ASB2: variants seen among roughly 807,000 people sequenced by gnomAD.
The protein encoded by ASB2 is ankyrin repeat and SOCS box containing 2, also known as ankyrin repeat and SOCS box protein 2.
Under a neutral mutation model 62.4 loss-of-function variants are expected in ASB2, and 58 were observed. The observed-to-expected ratio is 0.93, with a 90% CI of 0.75 to 1.16. ASB2 has a LOEUF of 1.16. ASB2 is among the 50% of genes most tolerant of loss of function. The pLI, the probability that ASB2 is intolerant of heterozygous loss-of-function variation, is 0.00. For missense variants in ASB2, 928 were observed against 887.9 expected, an observed-to-expected ratio of 1.05 and a Z score of -0.57; for synonymous variants, 386 against 385.3, an observed-to-expected ratio of 1.00 and a Z score of -0.02.
rs1162972901 is a variant in ASB2, at chr14:93,964,355, G to A, written c.185C>T (p.Ala62Val). ...TCACCTGGTCCATGGGTAGAAATGG[G>A]CAGGTTGGCGGTTGGTACATGCAGA... The part of the protein sequence containing the change: ...TASACTNRQP[A>V]HFYPWTRSTA... The change falls in exon 2 of 10, where the codon GCC (alanine) becomes GTC (valine). Residue 62 changes from alanine to valine, a missense_variant. Coordinates refer to ENST00000555019, the MANE Select transcript of ASB2 (RefSeq NM_001202429.2). The A allele has an allele frequency of 6.5e-7, 1 of 1,536,176 alleles. No homozygotes were observed.
Position 93,934,680 on chromosome 14 carries a change from GTA to G in ASB2, c.1882_1883del (p.Tyr628ProfsTer17), listed in dbSNP as rs765805727. ...TLPLPGRLIR[Y>X]LKYENTQ ...GTTACTGGGTGTTCTCGTATTTCAG[GTA>G]TCTAATCAGCCTGCCTGGGAGCGGC... On this transcript the variant is annotated frameshift_variant, in exon 10 of 10. Coordinates refer to ENST00000555019, the MANE Select transcript of ASB2 (RefSeq NM_001202429.2). LOFTEE classifies it high-confidence loss of function. The G allele has an allele frequency of 2.0e-5, 32 of 1,614,150 alleles. No individual in the cohort carries two copies. Among genetic ancestry groups the G allele is most frequent in the Non-Finnish European group, 2.6e-5 (31 of 1,180,002 alleles).
intron 1 of ASB2, among the ~76,000 whole-genome samples, chr14:93,965,941 G>A (rs530422941): frequency 3.9e-5 from 6 of 152,310 alleles, no homozygotes; most frequent in African/African-American, 9.6e-5. Context: ...GAACACACCC[G>A]GGCACCTGAG....
At position 93,934,807 on chromosome 14, in the gene ASB2, GA is replaced by G. The variant is rs1365804370; in HGVS notation, c.1772-16del. ...TCTTGGAGGTTCTGAAAAAAGGAGG[GA>G]AAGACAGAGGCTGATTTGTCATTTG... On this transcript the variant is annotated splice_polypyrimidine_tract_variant and intron_variant, in intron 9 of 9. Transcript: ENST00000555019. 6.2e-7 allele frequency: 1 copy of G among 1,609,044 alleles called. No individual in the cohort carries two copies. Among genetic ancestry groups the G allele is most frequent in the Non-Finnish European group, 8.5e-7 (1 of 1,175,468 alleles).
rs1048450519 is a variant in ASB2 at position 93,934,742 on chromosome 14, T to C, written c.1822A>G (p.Ile608Val). Residue 608 changes from isoleucine (I) to valine (V), a missense_variant, in exon 10 of 10, where the codon ATT becomes GTT. Transcript: ENST00000555019. The stretch of plus-strand genomic sequence containing the variant: ...AGGAGTTTTATACGGTATTTCCCAA[T>C]GGCCTTTCGAACCCGCAGTCGGCAA... ...HLCRLRVRKA[I>V]GKYRIKLLDT... is the part of the protein sequence containing the mutation. 3.7e-6 allele frequency: 6 copies of C among 1,613,714 alleles called. No individual in the cohort carries two copies. Among genetic ancestry groups the C allele is most frequent in the South Asian group, 1.1e-5 (1 of 91,064 alleles).
chr14:93,972,272 A>G (rs943280481), intron 1 of ASB2, among the ~76,000 whole-genome samples: 5 of 151,802 alleles, frequency 3.3e-5, no homozygotes, highest in Admixed American at 2.6e-4. Flanking sequence ...GCCAAAACTT[A>G]TCTTTCTGAT....
At chr14:93,976,110 G>A (rs959496228) in intron 1 of ASB2, among the ~76,000 whole-genome samples, 2 of 152,194 alleles carry the variant, frequency 1.3e-5, no homozygotes, top group African/African-American at 4.8e-5. Flanking sequence ...CACAGATACC[G>A]CCCAAGACCT....
At chr14:93,941,671 T>C (rs1299873744) in intron 7 of ASB2, 1 of 456,112 alleles carries the variant, frequency 2.2e-6, no homozygotes, top group South Asian at 1.5e-5. Context: ...AGCTGTAACG[T>C]GCCCAAGAAC....
Position 93,947,995 on chromosome 14 carries a change from G to A in ASB2, c.881-475C>T, listed in dbSNP as rs868707697. Among the ~76,000 whole-genome samples the A allele has an allele frequency of 2.1e-4, 15 of 72,488 alleles. 1 individual carries two copies. The highest frequency in any genetic ancestry group is 3.6e-4 in the Admixed American group (2 of 5,538). 47.6% of individuals were successfully genotyped at this position (72,488 alleles called of 152,430 possible). ...GGCAACAAGAGTGAAACTCCGCCTG[G>A]AAAAAAAAAAAAAAAAAAAAAAAGA... On this transcript the variant is annotated intron_variant, in intron 6 of 9. Transcript: ENST00000555019.
In ASB2 at chr14:93,966,972, G is replaced by C. The variant is rs533820716; in HGVS notation, c.-73-2360C>G. Among the ~76,000 whole-genome samples, 5 of 152,264 alleles carry C rather than the reference G, an allele frequency of 3.3e-5. No homozygotes were observed. The South Asian group carries it at 1.0e-3, about 32-fold the overall frequency. ...ATGACCTCACAATCATTTTATGCCC[G>C]ATGCTTGGAGTGCTGTTATTTACAG... On this transcript the variant is annotated intron_variant, in intron 1 of 9. Coordinates refer to ENST00000555019, the MANE Select transcript of ASB2 (RefSeq NM_001202429.2).
At chr14:93,975,952 G>C (rs1889899339) in intron 1 of ASB2, among the ~76,000 whole-genome samples, 1 of 152,214 alleles carries the variant, frequency 6.6e-6, no homozygotes, top group Non-Finnish European at 1.5e-5. Flanking sequence ...GTTGAAAGCA[G>C]AGCACATGGC....
chr14:93,969,622 G>A (rs932437880), intron 1 of ASB2, among the ~76,000 whole-genome samples: 1 of 152,200 alleles, frequency 6.6e-6, no homozygotes, highest in Non-Finnish European at 1.5e-5. Flanking sequence ...ACTCTGGGAG[G>A]CTGATTGGAA....
At chr14:93,959,162 AAG>A (rs1338274802) in intron 2 of ASB2, among the ~76,000 whole-genome samples, 1 of 152,166 alleles carries the variant, frequency 6.6e-6, no homozygotes, top group Non-Finnish European at 1.5e-5. Context: ...CCATTCAACA[AAG>A]AGTTCCCAGC....
At chr14:93,945,689 T>G (rs1888698483) in intron 7 of ASB2, among the ~76,000 whole-genome samples, 1 of 151,976 alleles carries the variant, frequency 6.6e-6, no homozygotes, top group Non-Finnish European at 1.5e-5. Flanking sequence ...GTGTATGTAC[T>G]GGGGGGTGTG....
At chr14:93,952,534 C>A (rs1353082508) in intron 5 of ASB2, among the ~76,000 whole-genome samples, 1 of 152,202 alleles carries the variant, frequency 6.6e-6, no homozygotes, top group African/African-American at 2.4e-5. Context: ...TTGTAAGACC[C>A]CAGCTGATTG....
In ASB2 at chr14:93,951,083, A is replaced by G. The variant is rs779517616; in HGVS notation, c.796T>C (p.Ser266Pro). Residue 266 changes from serine to proline, a missense_variant, in exon 6 of 10, where the codon TCC (serine) becomes CCC (proline). Transcript: ENST00000555019. ...ILVSGGAKVE[S>P]KNAYGITPLF... ...GGGGTGATGCCGTAGGCGTTCTTGG[A>G]TTCCACCTTGGCTCCTCCGCTCACC... 6.2e-7 allele frequency: 1 copy of G among 1,614,184 alleles called. No homozygotes were observed. Among genetic ancestry groups the G allele is most frequent in the African/African-American group, 1.3e-5 (1 of 75,044 alleles).
chr14:93,951,178 C>T lies in ASB2; in HGVS notation c.701G>A (p.Arg234His), dbSNP rs375067990. 1.8e-5 allele frequency: 29 copies of T among 1,613,652 alleles called. No individual in the cohort carries two copies. The highest frequency in any genetic ancestry group is 2.7e-5 in the African/African-American group (2 of 74,944). The part of the protein sequence containing the change: ...LVQHNADTNH[R>H]CNRGWTALHE... ...CAGAGCGGTCCAGCCGCGGTTGCAG[C>T]GGTGGTTGGTGTCTGCATTGTGCTG... is the stretch of plus-strand genomic sequence containing the variant. The change falls in exon 6 of 10, where the codon CGC becomes CAC. Residue 234 changes from arginine to histidine, a missense_variant. Coordinates refer to ENST00000555019, the MANE Select transcript of ASB2 (RefSeq NM_001202429.2).
chr14:93,954,492 G>A lies in ASB2; in HGVS notation c.312-9C>T. On this transcript the variant is annotated splice_polypyrimidine_tract_variant and intron_variant, in intron 3 of 9. Transcript: ENST00000555019. ...TCAAGGGGTCCGCAGGCCTGTGAGA[G>A]GAAGGAGTGGGTCAGTCCTCAAGGT... 2 of 1,613,876 alleles carry A rather than the reference G, an allele frequency of 1.2e-6. No homozygotes were observed. Among genetic ancestry groups the A allele is most frequent in the South Asian group, 2.2e-5 (2 of 91,078 alleles).
intron 1 of ASB2, among the ~76,000 whole-genome samples, chr14:93,972,375 C>T (rs1419248141): frequency 6.6e-6 from 1 of 152,164 alleles, no homozygotes; most frequent in Non-Finnish European, 1.5e-5. Context: ...TTGTTCTCTT[C>T]CCTTCCCGGG....
intron 1 of ASB2, among the ~76,000 whole-genome samples, chr14:93,968,452 A>G (rs1290188068): frequency 2.0e-5 from 3 of 152,188 alleles, no homozygotes; most frequent in Non-Finnish European, 4.4e-5. Context: ...GGAGAGACAT[A>G]TAGAAAGCTG....
Sources: allele counts gnomAD v4.1 joint callset (sites outside exome capture counted in the v4.1 genomes callset), GRCh38; gene constraint gnomAD v4.1.1; transcripts MANE v1.5; gene names NCBI Gene and HGNC (gene_info 2026-07-23, HGNC 2026-07-21).